GABRP: variants seen among roughly 807,000 people sequenced by gnomAD.
GABRP encodes gamma-aminobutyric acid type A receptor subunit pi.
Under a neutral mutation model 47.8 loss-of-function variants are expected in GABRP, and 52 were observed. The observed-to-expected ratio is 1.09, with a 90% CI of 0.87 to 1.37. GABRP has a LOEUF of 1.37. GABRP is among the 40% of genes most tolerant of loss of function. The pLI is 0.00. For missense variants in GABRP, 525 were observed against 542.8 expected (o/e 0.97, Z 0.33); for synonymous variants, 221 against 205.8 (o/e 1.07, Z -0.63).
At chr5:170,810,002 A>T (rs1246491416) in intron 9 of GABRP, 2 of 701,508 alleles carry the variant, frequency 2.9e-6, no homozygotes, top group Non-Finnish European at 5.2e-6. Context: ...TGTTATCTGT[A>T]TGCAGCATAA....
At chr5:170,794,617 G>C (rs546967614) in intron 4 of GABRP, among the ~76,000 whole-genome samples, 125 of 152,208 alleles carry the variant, frequency 8.2e-4, no homozygotes, top group Non-Finnish European at 1.6e-3. Context: ...GATAAAATTT[G>C]GGGAAAGGAA....
At chr5:170,789,089 C>T (rs749427874) in intron 2 of GABRP, 40 bp from the exon 3 acceptor site, 4 of 1,507,742 alleles carry the variant, frequency 2.7e-6, no homozygotes, top group Non-Finnish European at 3.7e-6. Context: ...TTGATTCACA[C>T]ATAAACAAGC....
chr5:170,784,301 G>A (rs1452334211), intron 1 of GABRP, among the ~76,000 whole-genome samples: 1 of 151,950 alleles, frequency 6.6e-6, no homozygotes, highest in Non-Finnish European at 1.5e-5. Context: ...GACAAGTTGG[G>A]GTTGGGGGTC....
intron 1 of GABRP, among the ~76,000 whole-genome samples, chr5:170,788,028 G>T (rs1161982180): frequency 6.6e-6 from 1 of 152,254 alleles, no homozygotes; most frequent in Non-Finnish European, 1.5e-5. Flanking sequence ...TCCAAACAAG[G>T]TCCCAGTCTT....
chr5:170,795,064 G>C, intron 4 of GABRP, 144 bp from the exon 5 acceptor site: 1 of 680,490 alleles, frequency 1.5e-6, no homozygotes, highest in Non-Finnish European at 2.7e-6. Context: ...CAATTAGAAT[G>C]GTAACTTTAT....
chr5:170,806,828 G>A (rs1285852688), intron 7 of GABRP, among the ~76,000 whole-genome samples: 2 of 151,964 alleles, frequency 1.3e-5, no homozygotes, highest in African/African-American at 2.4e-5. Flanking sequence ...GAAACTAAAG[G>A]GTATGTATAG....
intron 1 of GABRP, among the ~76,000 whole-genome samples, chr5:170,784,120 G>A (rs751467753): frequency 1.2e-4 from 18 of 152,186 alleles, no homozygotes; most frequent in East Asian, 1.9e-4. Flanking sequence ...CAGGGCACGC[G>A]CCGCACCACT....
At chr5:170,804,433 G>A (rs1378323921) in intron 6 of GABRP, among the ~76,000 whole-genome samples, 1 of 152,086 alleles carries the variant, frequency 6.6e-6, no homozygotes, top group East Asian at 1.9e-4. Flanking sequence ...TAAAGAAATT[G>A]CTACTTTGTT....
chr5:170,804,531 C>CT (rs1765678030), intron 6 of GABRP, among the ~76,000 whole-genome samples: 1 of 152,208 alleles, frequency 6.6e-6, no homozygotes, highest in East Asian at 1.9e-4. Context: ...TACTGTCTAT[C>CT]TTTTTTATTA....
rs754006817 is a variant in GABRP at position 170,812,067 on chromosome 5, G to T, written c.1132G>T (p.Val378Phe). 6.2e-7 allele frequency: 1 copy of T among 1,614,130 alleles called. No individual in the cohort carries two copies. Among genetic ancestry groups the T allele is most frequent in the African/African-American group, 1.3e-5 (1 of 75,040 alleles). Residue 378 changes from valine (V) to phenylalanine (F), a missense_variant, in exon 10 of 10, where the codon GTT becomes TTT. Transcript: ENST00000265294. ...CAGCATTGAAATTTCCAGCGACAAC[G>T]TTGACTACAGTGACTTGACAATGAA... ...FASIEISSDN[V>F]DYSDLTMKTS... is the part of the protein sequence containing the mutation.
At chr5:170,795,585 A>G (rs186209160) in intron 5 of GABRP, among the ~76,000 whole-genome samples, 160 bp downstream of exon 5, 5 of 152,260 alleles carry the variant, frequency 3.3e-5, no homozygotes, top group Admixed American at 6.5e-5. Context: ...CTCTCAGTTC[A>G]TCATCTACCA....
At chr5:170,786,907 CTG>C (rs1187132615) in intron 1 of GABRP, among the ~76,000 whole-genome samples, 2 of 152,022 alleles carry the variant, frequency 1.3e-5, no homozygotes, top group African/African-American at 4.8e-5. Context: ...ATATGTGTAT[CTG>C]TGGATAAAAC....
At position 170,797,538 on chromosome 5, in the gene GABRP, G is replaced by A; in HGVS notation, c.531G>A (p.Gln177=). 6.2e-7 allele frequency: 1 copy of A among 1,604,354 alleles called. No homozygotes were observed. Among genetic ancestry groups the A allele is most frequent in the Non-Finnish European group, 8.5e-7 (1 of 1,171,176 alleles). ...TGGACACACAGACATGCAAGTTGCA[G>A]CTGGAAAGCTGTAAGTATACATCCT... ...YPMDTQTCKL[Q]LESWGYDGND... Residue 177 remains glutamine (Q), a synonymous_variant, in exon 6 of 10, where the codon CAG becomes CAA. Coordinates refer to ENST00000265294, the MANE Select transcript of GABRP (RefSeq NM_014211.3).
chr5:170,793,262 C>G (rs889370459), intron 3 of GABRP, among the ~76,000 whole-genome samples: 2 of 152,120 alleles, frequency 1.3e-5, no homozygotes, highest in African/African-American at 4.8e-5. Context: ...TAACTTTTCC[C>G]AAATAAAGAA....
chr5:170,795,268 G>A lies in GABRP; in HGVS notation c.301G>A (p.Gly101Ser), dbSNP rs186086072. The change falls in exon 5 of 10, where the codon GGC (glycine) becomes AGC (serine). Residue 101 changes from glycine (G) to serine (S), a missense_variant. Transcript: ENST00000265294. ...GATGGACCAGCGGCTGGTGTTTGAA[G>A]GCAACAAGAGCTTCACTCTGGATGC... ...RWMDQRLVFE[G>S]NKSFTLDARL... 2 of 1,613,682 alleles carry A rather than the reference G, an allele frequency of 1.2e-6. No homozygotes were observed. Among genetic ancestry groups the A allele is most frequent in the Admixed American group, 1.7e-5 (1 of 59,992 alleles).
At position 170,809,729 on chromosome 5, in the gene GABRP, T is replaced by C. The variant is rs1213970343; in HGVS notation, c.994T>C (p.Leu332=). The change falls in exon 9 of 10, where the codon TTA becomes CTA. Residue 332 remains leucine, a synonymous_variant. Transcript: ENST00000265294. ...ATATGCAGTTGCTCACTACAGTTCC[T>C]TACAGCAGATGGCAGCCAAAGATAG... ...LEYAVAHYSS[L]QQMAAKDRGT... The C allele has an allele frequency of 2.4e-5, 38 of 1,602,760 alleles. No homozygotes were observed. Among genetic ancestry groups the C allele is most frequent in the South Asian group, 5.6e-5 (5 of 88,632 alleles).
At chr5:170,794,148 T>C in intron 3 of GABRP, 83 bp from the exon 4 acceptor site, 1 of 823,020 alleles carries the variant, frequency 1.2e-6, no homozygotes, top group Non-Finnish European at 1.8e-6. Flanking sequence ...TTTGTAATTT[T>C]AATCTTTTTT....
Position 170,795,271 on chromosome 5 carries a change from A to G in GABRP, c.304A>G (p.Asn102Asp), listed in dbSNP as rs374054144. The G allele has an allele frequency of 3.1e-6, 5 of 1,613,662 alleles. No homozygotes were observed. In the African/African-American group the frequency reaches 6.7e-5, roughly 22 times the overall value. The change falls in exon 5 of 10, where the codon AAC (asparagine) becomes GAC (aspartate). Residue 102 changes from asparagine to aspartate, a missense_variant. Physicochemically the swap from Asn to Asp is conservative, Grantham distance 23. Transcript: ENST00000265294. ...WMDQRLVFEGNKSFTLDARLV... is the reference protein window; with the variant it reads ...WMDQRLVFEGDKSFTLDARLV... ...GGACCAGCGGCTGGTGTTTGAAGGC[A>G]ACAAGAGCTTCACTCTGGATGCCCG...
intron 7 of GABRP, among the ~76,000 whole-genome samples, chr5:170,808,191 G>A (rs144431878): frequency 5.9e-4 from 90 of 152,256 alleles, no homozygotes; most frequent in African/African-American, 2.0e-3. Flanking sequence ...GGTCCATTAG[G>A]TCTATTCCAT....
Sources: allele counts gnomAD v4.1 joint callset (sites outside exome capture counted in the v4.1 genomes callset), GRCh38; gene constraint gnomAD v4.1.1; transcripts MANE v1.5; gene names NCBI Gene and HGNC (gene_info 2026-07-23, HGNC 2026-07-21).